The following BMPR1B variants were observed in gnomAD, a reference collection of about 807,000 sequenced individuals.
BMPR1B encodes the protein bone morphogenetic protein receptor type 1B.
In BMPR1B, 12 loss-of-function variants were observed where a neutral mutation model predicts 59.1. The ratio of observed to expected loss-of-function variants is 0.20; its 90% CI spans 0.13 to 0.33. BMPR1B has a LOEUF of 0.33. BMPR1B is among the 10% of genes least tolerant of loss of function. The pLI, the probability that BMPR1B is intolerant of heterozygous loss-of-function variation, is 1.00. For synonymous variants in BMPR1B, 237 were observed against 207.3 expected (o/e 1.14, Z -1.23); for missense variants, 550 against 610.9 (o/e 0.90, Z 1.05).
At chr4:95,068,428 C>T (rs1728018771) in intron 3 of BMPR1B, among the ~76,000 whole-genome samples, 1 of 152,174 alleles carries the variant, frequency 6.6e-6, no homozygotes, top group Admixed American at 6.6e-5. Context: ...GTCAGGGCTA[C>T]AGCCACCAGT....
chr4:95,026,138 C>T (rs914451976), intron 3 of BMPR1B, among the ~76,000 whole-genome samples: 1 of 147,396 alleles, frequency 6.8e-6, no homozygotes, highest in African/African-American at 2.5e-5. Context: ...TTCTTTCTTT[C>T]TTTCTTTCTT....
chr4:94,898,040 A>G (rs1362096125), intron 2 of BMPR1B, among the ~76,000 whole-genome samples: 1 of 140,024 alleles, frequency 7.1e-6, no homozygotes, highest in African/African-American at 2.7e-5. Flanking sequence ...TCAAACTCCT[A>G]GGCTCAAGGG....
At chr4:94,767,339 T>G (rs1284259030) in intron 1 of BMPR1B, among the ~76,000 whole-genome samples, 1 of 152,200 alleles carries the variant, frequency 6.6e-6, no homozygotes, top group Non-Finnish European at 1.5e-5. Context: ...CTCTAAATAT[T>G]TTATCTTGTC....
chr4:94,949,308 C>CTT lies in BMPR1B; in HGVS notation c.-112-46714_-112-46713dup, dbSNP rs1216699208. 1.9e-3 allele frequency among the ~76,000 whole-genome samples: 159 copies of CTT among 81,954 alleles called. 23 individuals carry two copies. Among genetic ancestry groups the CTT allele is most frequent in the Middle Eastern group, 0.013 (2 of 154 alleles). 53.8% of individuals were successfully genotyped at this position (81,954 alleles called of 152,430 possible). A position where few individuals can be genotyped will look rare whatever the true frequency, so the allele number is the denominator to read the frequency against. ...TCCCTGCAAAGGACATGAACTCATTCTTTTTTTTTTTTTTTTTTTGAGACG... is the reference window on the plus strand; with the variant it reads ...TCCCTGCAAAGGACATGAACTCATTCTTTTTTTTTTTTTTTTTTTTTGAGACG... On this transcript the variant is annotated intron_variant, in intron 2 of 12. Transcript: ENST00000515059.
intron 1 of BMPR1B, among the ~76,000 whole-genome samples, chr4:94,849,728 T>C (rs556892561): frequency 6.6e-6 from 1 of 151,700 alleles, no homozygotes; most frequent in Non-Finnish European, 1.5e-5. Context: ...AGAGAGTGCA[T>C]CTGGCCACAG....
chr4:95,102,871 T>C (rs1730924268), intron 3 of BMPR1B, among the ~76,000 whole-genome samples: 1 of 152,046 alleles, frequency 6.6e-6, no homozygotes, highest in Admixed American at 6.6e-5. Context: ...TACAAGTAAT[T>C]TGTTTCAGAA....
At chr4:95,030,995 T>G (rs1724801678) in intron 3 of BMPR1B, among the ~76,000 whole-genome samples, 1 of 151,924 alleles carries the variant, frequency 6.6e-6, no homozygotes, top group East Asian at 1.9e-4. Flanking sequence ...ACCAATGACT[T>G]TCTTCACAGA....
At chr4:94,852,818 T>C (rs1309344871) in intron 1 of BMPR1B, among the ~76,000 whole-genome samples, 3 of 152,194 alleles carry the variant, frequency 2.0e-5, no homozygotes, top group African/African-American at 7.2e-5. Context: ...AATAGCTTGC[T>C]GACTTCGAAG....
In BMPR1B at chr4:95,144,136, A is replaced by T. The variant is rs185911710; in HGVS notation, c.1077-4612A>T. Among the ~76,000 whole-genome samples, 428 of 152,086 alleles carry T rather than the reference A, an allele frequency of 2.8e-3. 5 individuals carry two copies. The highest frequency in any genetic ancestry group is 2.3e-3 in the Non-Finnish European group (154 of 68,002). On this transcript the variant is annotated intron_variant, in intron 10 of 12. Coordinates refer to ENST00000515059, the MANE Select transcript of BMPR1B (RefSeq NM_001203.3). ...TAATTTCTTACTCAGAAAATTGTAGACATTTTCATTTTATCCTGTTCTATC... is the reference window on the plus strand; with the variant it reads ...TAATTTCTTACTCAGAAAATTGTAGTCATTTTCATTTTATCCTGTTCTATC...
chr4:94,840,946 G>A (rs1398881331), intron 1 of BMPR1B, among the ~76,000 whole-genome samples: 5 of 146,632 alleles, frequency 3.4e-5, no homozygotes, highest in South Asian at 2.2e-4. Flanking sequence ...TTTTTGGTGT[G>A]GATGTCCTTT....
intron 1 of BMPR1B, among the ~76,000 whole-genome samples, chr4:94,868,149 C>T (rs1726323154): frequency 6.6e-6 from 1 of 151,824 alleles, no homozygotes; most frequent in African/African-American, 2.4e-5. Flanking sequence ...AGGTGCGAGC[C>T]ACCATACCCA....
chr4:95,029,485 T>C (rs1724669976), intron 3 of BMPR1B, among the ~76,000 whole-genome samples: 2 of 152,148 alleles, frequency 1.3e-5, no homozygotes, highest in Admixed American at 1.3e-4. Context: ...ATTTTCTTAA[T>C]CCAGTCTATC....
In BMPR1B at chr4:95,125,147, T is replaced by A. The variant is rs755043947; in HGVS notation, c.585+26T>A. On this transcript the variant is annotated intron_variant, in intron 8 of 12. Transcript: ENST00000515059. Reference sequence around the variant, plus strand: ...GTATGAGAAGAACACATCTTGAATTTAAAGGAAATGTTTTCTGAAAGAACT... The same window carrying A: ...GTATGAGAAGAACACATCTTGAATTAAAAGGAAATGTTTTCTGAAAGAACT... The A allele has an allele frequency of 2.5e-6, 4 of 1,612,874 alleles. No individual in the cohort carries two copies. In the Admixed American group the frequency reaches 6.7e-5, roughly 27 times the overall value.
intron 3 of BMPR1B, among the ~76,000 whole-genome samples, chr4:95,058,035 A>G (rs145432203): frequency 2.1e-3 from 327 of 152,334 alleles, no homozygotes; most frequent in Admixed American, 3.9e-3. Context: ...GGTGGCAGAA[A>G]TAATGTGTGA....
chr4:95,154,433 T>G, intron 12 of BMPR1B, 115 bp from the exon 13 acceptor site: 1 of 1,456,234 alleles, frequency 6.9e-7, no homozygotes, highest in South Asian at 1.2e-5. Context: ...TACATGGTTT[T>G]AAGGGTACCT....
chr4:94,910,446 T>C (rs1000968397), intron 2 of BMPR1B, among the ~76,000 whole-genome samples: 1 of 152,126 alleles, frequency 6.6e-6, no homozygotes, highest in Non-Finnish European at 1.5e-5. Flanking sequence ...TCTCTTGAAT[T>C]CTTTCCTGCT....
Position 94,937,571 on chromosome 4 carries a change from T to C in BMPR1B, c.-112-58469T>C, listed in dbSNP as rs1729361057. Among the ~76,000 whole-genome samples, 3 of 152,232 alleles carry C rather than the reference T, an allele frequency of 2.0e-5. No homozygotes were observed. The East Asian group carries it at 5.8e-4, about 29-fold the overall frequency. ...GTGGAAAAAAATTAAAAGAATATGA[T>C]TTTGTTCCTTATTCTGTTTAGGGTT... is the stretch of plus-strand genomic sequence containing the variant. On this transcript the variant is annotated intron_variant, in intron 2 of 12. Coordinates refer to ENST00000515059, the MANE Select transcript of BMPR1B (RefSeq NM_001203.3).
chr4:95,068,557 A>G (rs73838016), intron 3 of BMPR1B, among the ~76,000 whole-genome samples: 6,996 of 152,120 alleles, frequency 0.046, 533 homozygotes, highest in African/African-American at 0.16. Context: ...ACCATTCTAT[A>G]CTCATGTATA....
chr4:95,026,122 C>CTTTCTTTCTTTCTT (rs1553928484), intron 3 of BMPR1B, among the ~76,000 whole-genome samples: 22 of 144,342 alleles, frequency 1.5e-4, no homozygotes, highest in African/African-American at 5.6e-4. Flanking sequence ...TTCTTTCTTT[C>CTTTCTTTCTTTCTT]TTTCTTTCTT....
Sources: gnomAD v4.1 joint callset for allele counts (sites outside exome capture counted in the v4.1 genomes callset) on GRCh38, gnomAD v4.1.1 for gene constraint, MANE v1.5 for transcripts, NCBI Gene and HGNC (gene_info 2026-07-23, HGNC 2026-07-21) for gene names.